Variants in STX19 observed in about 807,000 individuals in gnomAD.
STX19 encodes syntaxin 19, also known as syntaxin-19.
A neutral mutation model predicts 24.3 loss-of-function variants in STX19; 26 were observed. The observed-to-expected ratio is 1.07, with a 90% CI of 0.78 to 1.48. The LOEUF (loss-of-function observed/expected upper bound fraction) is 1.48, where lower values mean the gene tolerates loss of function less well. STX19 is among the 40% of genes most tolerant of loss of function. The pLI, the probability that STX19 is intolerant of heterozygous loss-of-function variation, is 0.00. For synonymous variants in STX19, 116 were observed against 106.9 expected (o/e 1.09, Z -0.52); for missense variants, 367 against 331.9 (o/e 1.11, Z -0.82).
chr3:94,024,622 A>G (rs2076518046), intron 1 of STX19, among the ~76,000 whole-genome samples: 1 of 152,062 alleles, frequency 6.6e-6, no homozygotes, highest in Non-Finnish European at 1.5e-5. Context: ...ATCTCACTCT[A>G]TCACCCAGGC....
chr3:94,024,902 A>G (rs983960579), intron 1 of STX19, among the ~76,000 whole-genome samples: 1 of 152,196 alleles, frequency 6.6e-6, no homozygotes, highest in Non-Finnish European at 1.5e-5. Context: ...TTTTAAAAAA[A>G]TTAGAAATAA....
At chr3:94,023,926 C>T (rs2076503158) in intron 1 of STX19, among the ~76,000 whole-genome samples, 1 of 152,100 alleles carries the variant, frequency 6.6e-6, no homozygotes, top group Admixed American at 6.6e-5. Context: ...CCAAATTGAT[C>T]ACTTTACACT....
intron 1 of STX19, among the ~76,000 whole-genome samples, chr3:94,016,677 T>TG (rs1451299289): frequency 2.0e-5 from 3 of 151,556 alleles, no homozygotes; most frequent in African/African-American, 7.3e-5. Flanking sequence ...GATGGAGTCT[T>TG]GCTCTGATGC....
rs923750672 is a variant in STX19, at chr3:94,014,807, T to C, written c.463A>G (p.Ile155Val). 6.2e-7 allele frequency: 1 copy of C among 1,614,112 alleles called. No homozygotes were observed. Among genetic ancestry groups the C allele is most frequent in the Non-Finnish European group, 8.5e-7 (1 of 1,179,988 alleles). ...QQIMFIYNDTIAAKQEKCKTF... is the reference protein window; with the variant it reads ...QQIMFIYNDTVAAKQEKCKTF... ...TTGCACTTCTCTTGCTTTGCTGCTA[T>C]TGTGTCATTGTATATAAACATGATT... is the stretch of plus-strand genomic sequence containing the variant. Residue 155 changes from isoleucine (I) to valine (V), a missense_variant, in exon 2 of 2, where the codon ATA (isoleucine) becomes GTA (valine). By Grantham distance (29) the Ile-to-Val change is conservative. Transcript: ENST00000315099.
intron 1 of STX19, among the ~76,000 whole-genome samples, chr3:94,015,965 A>G (rs1009382566): frequency 7.9e-5 from 12 of 152,124 alleles, no homozygotes; most frequent in Non-Finnish European, 1.3e-4. Context: ...ATTTATATCA[A>G]TTTGTGTTAG....
Position 94,014,603 on chromosome 3 carries a change from C to A in STX19, c.667G>T (p.Glu223Ter). The change falls in exon 2 of 2, where the codon GAG becomes TAG. Residue 223 changes from glutamate (E) to a stop codon, truncating the protein, a stop_gained. Coordinates refer to ENST00000315099, the MANE Select transcript of STX19 (RefSeq NM_001001850.3). LOFTEE classifies it high-confidence loss of function. ...EQRHKELVNL[E>*]NQIKDLRDLF... ...TCCCTTAAATCCTTTATTTGGTTCT[C>A]CAAATTAACAAGTTCCTTGTGTCTC... 1 of 1,613,002 alleles carries A rather than the reference C, an allele frequency of 6.2e-7. No individual in the cohort carries two copies. The highest frequency in any genetic ancestry group is 1.1e-5 in the South Asian group (1 of 90,790).
intron 1 of STX19, among the ~76,000 whole-genome samples, chr3:94,018,862 T>A (rs1264446655): frequency 3.3e-5 from 5 of 151,904 alleles, no homozygotes; most frequent in Non-Finnish European, 7.4e-5. Flanking sequence ...GCCGTCCGGG[T>A]TCAAGCAATT....
At chr3:94,015,444 C>A (rs377427922) in intron 1 of STX19, among the ~76,000 whole-genome samples, 162 bp from the exon 2 acceptor site, 1 of 152,090 alleles carries the variant, frequency 6.6e-6, no homozygotes. Flanking sequence ...TCATAAAAAC[C>A]ATTTAAATAG....
chr3:94,014,372 TAAAA>T lies in STX19; in HGVS notation c.*9_*12del, dbSNP rs771133115. The T allele has an allele frequency of 5.9e-6, 9 of 1,513,056 alleles. No homozygotes were observed. In the East Asian group the frequency reaches 2.1e-4, roughly 35 times the overall value. The allele number at this position is 1,513,056 out of a possible 1,614,324, so 93.7% of individuals were successfully genotyped here. ...TTTACCGTAAAGCTGGAAAAAGTTTTAAAATAGCTTCTTTATTTTGAGCTACAGC... is the reference window on the plus strand; with the variant it reads ...TTTACCGTAAAGCTGGAAAAAGTTTTTAGCTTCTTTATTTTGAGCTACAGC... On this transcript the variant is annotated 3_prime_UTR_variant, in exon 2 of 2. Coordinates refer to ENST00000315099, the MANE Select transcript of STX19 (RefSeq NM_001001850.3).
At position 94,015,007 on chromosome 3, in the gene STX19, A is replaced by G; in HGVS notation, c.263T>C (p.Leu88Pro). ...CTTTGTAATGGTAGACTCTCTCTTA[A>G]GTAGACTAAACCTTCTCATTGAAGC... The part of the protein sequence containing the change: ...LVASMRRFSL[L>P]KRESTITKEI... The change falls in exon 2 of 2, where the codon CTT (leucine) becomes CCT (proline). Residue 88 changes from leucine to proline, a missense_variant. By Grantham distance (98) the Leu-to-Pro change is moderately conservative (BLOSUM62 -3). Transcript: ENST00000315099. 6.2e-7 allele frequency: 1 copy of G among 1,614,042 alleles called. No homozygotes were observed. The highest frequency in any genetic ancestry group is 8.5e-7 in the Non-Finnish European group (1 of 1,179,962).
At position 94,015,230 on chromosome 3, in the gene STX19, C is replaced by A; in HGVS notation, c.40G>T (p.Glu14Ter). The A allele has an allele frequency of 6.3e-7, 1 of 1,580,270 alleles. No homozygotes were observed. The highest frequency in any genetic ancestry group is 1.7e-4 in the Middle Eastern group (1 of 5,880). The change falls in exon 2 of 2, where the codon GAA becomes TAA. Residue 14 changes from glutamate to a stop codon, truncating the protein, a stop_gained. Transcript: ENST00000315099. LOFTEE classifies it high-confidence loss of function. ...RLQELKQRTK[E>*]IELSRDSHVS... ...TGACTGTCTCTAGAGAGTTCAATTT[C>A]CTTTGTTCTCTGCTTTAGTTCTTGA...
intron 1 of STX19, among the ~76,000 whole-genome samples, chr3:94,020,354 C>T (rs2076421672): frequency 6.6e-6 from 1 of 152,100 alleles, no homozygotes; most frequent in Admixed American, 6.5e-5. Flanking sequence ...ACGATCTCAG[C>T]TTTAGTAATT....
In STX19 at chr3:94,014,865, A is replaced by G. The variant is rs577517633; in HGVS notation, c.405T>C (p.Ser135=). The change falls in exon 2 of 2, where the codon TCT becomes TCC. Residue 135 remains serine (S), a synonymous_variant. Coordinates refer to ENST00000315099, the MANE Select transcript of STX19 (RefSeq NM_001001850.3). ...PSSVVTRILK[S]QHAAMFRHFQ... ...AATGGCGGAACATTGCAGCATGCTGAGATTTAAGTATCCTTGTGACCACTG... is the reference window on the plus strand; with the variant it reads ...AATGGCGGAACATTGCAGCATGCTGGGATTTAAGTATCCTTGTGACCACTG... 6.2e-7 allele frequency: 1 copy of G among 1,614,094 alleles called. No homozygotes were observed. The highest frequency in any genetic ancestry group is 1.1e-5 in the South Asian group (1 of 91,062).
At chr3:94,016,298 A>G (rs2076332284) in intron 1 of STX19, among the ~76,000 whole-genome samples, 1 of 152,008 alleles carries the variant, frequency 6.6e-6, no homozygotes, top group Non-Finnish European at 1.5e-5. Flanking sequence ...ATCAACCAGA[A>G]AAAAAAGGTC....
intron 1 of STX19, among the ~76,000 whole-genome samples, chr3:94,015,620 T>A (rs969034589): frequency 3.3e-5 from 5 of 152,112 alleles, no homozygotes; most frequent in Non-Finnish European, 1.5e-5. Flanking sequence ...CTTCAACCTA[T>A]AGGATTAGTC....
chr3:94,022,826 A>T (rs560938075), intron 1 of STX19, among the ~76,000 whole-genome samples: 3 of 152,112 alleles, frequency 2.0e-5, no homozygotes, highest in Non-Finnish European at 4.4e-5. Context: ...CAAGAAACAT[A>T]TAACATTTAA....
chr3:94,024,540 C>G (rs1255855461), intron 1 of STX19, among the ~76,000 whole-genome samples: 2 of 152,156 alleles, frequency 1.3e-5, no homozygotes, highest in Admixed American at 1.3e-4. Context: ...ACAACTCCCT[C>G]TAATGTTTTT....
chr3:94,020,171 T>C (rs2076418176), intron 1 of STX19, among the ~76,000 whole-genome samples: 1 of 152,130 alleles, frequency 6.6e-6, no homozygotes, highest in East Asian at 1.9e-4. Context: ...AAGTAGAGGG[T>C]CTTTATTCTT....
At chr3:94,017,909 A>G (rs2076365117) in intron 1 of STX19, among the ~76,000 whole-genome samples, 1 of 152,184 alleles carries the variant, frequency 6.6e-6, no homozygotes, top group African/African-American at 2.4e-5. Context: ...ACATGGGAAG[A>G]ATGAAGTAGA....
Sources: allele counts gnomAD v4.1 joint callset (sites outside exome capture counted in the v4.1 genomes callset), GRCh38; gene constraint gnomAD v4.1.1; transcripts MANE v1.5; gene names NCBI Gene and HGNC (gene_info 2026-07-23, HGNC 2026-07-21).